Variants in PTPRZ1 observed in about 807,000 individuals in gnomAD.
The protein encoded by PTPRZ1 is receptor-type tyrosine-protein phosphatase zeta.
PTPRZ1 carries 82 observed loss-of-function variants against 214.1 expected under a neutral mutation model. The observed-to-expected ratio is 0.38, with a 90% CI of 0.32 to 0.46. PTPRZ1 has a LOEUF of 0.46. PTPRZ1 is among the 20% of genes least tolerant of loss of function. The pLI, the probability that PTPRZ1 is intolerant of heterozygous loss-of-function variation, is 1.00. For missense variants in PTPRZ1, 2,603 were observed against 2,748.7 expected (o/e 0.95, Z 1.19); for synonymous variants, 945 against 987.9 (o/e 0.96, Z 0.81).
intron 1 of PTPRZ1, among the ~76,000 whole-genome samples, chr7:121,900,274 T>G (rs1050241682): frequency 3.3e-5 from 5 of 152,156 alleles, no homozygotes; most frequent in Non-Finnish European, 7.4e-5. Context: ...TCAAGAAAAC[T>G]GCTCAACCCA....
intron 2 of PTPRZ1, among the ~76,000 whole-genome samples, chr7:121,952,201 G>GC (rs1433230799): frequency 6.6e-6 from 1 of 152,044 alleles, no homozygotes; most frequent in East Asian, 1.9e-4. Context: ...CTCGTGATTG[G>GC]CCGGCCTCGG....
At chr7:121,923,363 A>G (rs1314935554) in intron 1 of PTPRZ1, among the ~76,000 whole-genome samples, 1 of 152,222 alleles carries the variant, frequency 6.6e-6, no homozygotes, top group Non-Finnish European at 1.5e-5. Context: ...ATCTACCTTG[A>G]ACAAATTCAC....
At chr7:121,954,181 T>G (rs1484961155) in intron 2 of PTPRZ1, among the ~76,000 whole-genome samples, 6 of 152,198 alleles carry the variant, frequency 3.9e-5, no homozygotes, top group South Asian at 2.1e-4. Context: ...TCTCCTTCAG[T>G]TTTGTCTTCC....
At chr7:122,032,719 A>G (rs1799418871) in intron 15 of PTPRZ1, among the ~76,000 whole-genome samples, 1 of 152,206 alleles carries the variant, frequency 6.6e-6, no homozygotes, top group East Asian at 1.9e-4. Flanking sequence ...CAAAAGAAAG[A>G]GAGGTATGAT....
intron 11 of PTPRZ1, among the ~76,000 whole-genome samples, chr7:122,006,567 C>G (rs1461054224): frequency 6.6e-6 from 1 of 152,010 alleles, no homozygotes; most frequent in African/African-American, 2.4e-5. Context: ...ATACACTCTA[C>G]AATAGAGATA....
At chr7:121,891,612 AC>A (rs1164792935) in intron 1 of PTPRZ1, among the ~76,000 whole-genome samples, 1 of 151,460 alleles carries the variant, frequency 6.6e-6, no homozygotes, top group Non-Finnish European at 1.5e-5. Context: ...TGTTAAATGA[AC>A]CTTGCAAACA....
At chr7:121,907,107 CAAT>C (rs1476119036) in intron 1 of PTPRZ1, among the ~76,000 whole-genome samples, 2 of 150,014 alleles carry the variant, frequency 1.3e-5, no homozygotes, top group African/African-American at 5.0e-5. Flanking sequence ...TCAATTTCAT[CAAT>C]AATTAATAAT....
chr7:122,059,823 T>G lies in PTPRZ1; in HGVS notation c.6742T>G (p.Ser2248Ala). The part of the protein sequence containing the change: ...TLMHQLEKEN[S>A]VDVYQVAKMI... ...TATGCACCAACTAGAAAAAGAAAAT[T>G]CCGTGGATGTTTACCAGGTAGCCAA... Residue 2248 changes from serine to alanine, a missense_variant, in exon 29 of 30, where the codon TCC becomes GCC. Transcript: ENST00000393386. 6.2e-7 allele frequency: 1 copy of G among 1,613,716 alleles called. No homozygotes were observed. The highest frequency in any genetic ancestry group is 8.5e-7 in the Non-Finnish European group (1 of 1,179,794).
chr7:122,012,398 G>A lies in PTPRZ1; in HGVS notation c.3352G>A (p.Val1118Ile), dbSNP rs1478294168. The A allele has an allele frequency of 6.2e-7, 1 of 1,613,820 alleles. No homozygotes were observed. Among genetic ancestry groups the A allele is most frequent in the Non-Finnish European group, 8.5e-7 (1 of 1,179,900 alleles). Reference protein sequence around the residue: ...TKVFDHEISQVPENNFSVQPT... With the variant: ...TKVFDHEISQIPENNFSVQPT... ...GGTTTTTGATCATGAGATTAGTCAAGTTCCAGAAAATAACTTTTCAGTTCA... is the reference window on the plus strand; with the variant it reads ...GGTTTTTGATCATGAGATTAGTCAAATTCCAGAAAATAACTTTTCAGTTCA... Residue 1118 changes from valine to isoleucine, a missense_variant, in exon 12 of 30, where the codon GTT (valine) becomes ATT (isoleucine). This residue lies in a region of PTPRZ1 where 1,913 missense variants were observed against 1,914.3 expected (regional missense o/e 1.00). Transcript: ENST00000393386.
Position 122,013,642 on chromosome 7 carries a change from T to A in PTPRZ1, c.4596T>A (p.Pro1532=). 1 of 1,614,218 alleles carries A rather than the reference T, an allele frequency of 6.2e-7. No individual in the cohort carries two copies. ...TTCAGACTGGTAGTGCTCTGCTTCC[T>A]CTCAGCCCTGAATCTAAAGCATGGG... is the stretch of plus-strand genomic sequence containing the variant. ...NDIQTGSALL[P]LSPESKAWAV... is the part of the protein sequence containing the mutation. The change falls in exon 12 of 30, where the codon CCT becomes CCA. Residue 1532 remains proline, a synonymous_variant. Transcript: ENST00000393386.
intron 2 of PTPRZ1, among the ~76,000 whole-genome samples, chr7:121,929,677 G>A (rs976206141): frequency 6.6e-6 from 1 of 151,458 alleles, no homozygotes; most frequent in Non-Finnish European, 1.5e-5. Flanking sequence ...GCATGTTGGC[G>A]CATGCTTCTA....
chr7:122,003,736 A>G (rs1798393451), intron 10 of PTPRZ1, among the ~76,000 whole-genome samples: 1 of 152,170 alleles, frequency 6.6e-6, no homozygotes, highest in African/African-American at 2.4e-5. Flanking sequence ...CCATTTTCCT[A>G]ATGACCCAGG....
intron 14 of PTPRZ1, among the ~76,000 whole-genome samples, 176 bp from the exon 15 acceptor site, chr7:122,031,298 T>G (rs568245824): frequency 6.6e-6 from 1 of 152,152 alleles, no homozygotes; most frequent in African/African-American, 2.4e-5. Context: ...GAAATACAGG[T>G]TTTGATTGAT....
rs1311831128 is a variant in PTPRZ1 at position 121,970,800 on chromosome 7, A to C, written c.305-1741A>C. ...TTCTTTTGCTGTGCAGAAGCTCTTT[A>C]GTTTAATTAGATCCCATTTGTCAAT... On this transcript the variant is annotated intron_variant, in intron 3 of 29. Transcript: ENST00000393386. Among the ~76,000 whole-genome samples, 7 of 152,220 alleles carry C rather than the reference A, an allele frequency of 4.6e-5. No homozygotes were observed. The East Asian group carries it at 1.4e-3, about 29-fold the overall frequency.
intron 1 of PTPRZ1, among the ~76,000 whole-genome samples, chr7:121,889,808 C>G (rs1315920065): frequency 6.6e-6 from 1 of 152,092 alleles, no homozygotes; most frequent in Non-Finnish European, 1.5e-5. Flanking sequence ...GTTGGTACAT[C>G]CAATATTCAG....
chr7:121,960,486 G>A (rs879789873), intron 2 of PTPRZ1, among the ~76,000 whole-genome samples: 1 of 151,986 alleles, frequency 6.6e-6, no homozygotes, highest in Non-Finnish European at 1.5e-5. Flanking sequence ...TGATTAAATA[G>A]CAATTTATAG....
intron 2 of PTPRZ1, among the ~76,000 whole-genome samples, chr7:121,938,769 C>G (rs963644652): frequency 2.6e-5 from 4 of 152,148 alleles, no homozygotes; most frequent in African/African-American, 9.7e-5. Context: ...AGAAAAGTGT[C>G]TTCCTGGTTT....
At position 122,058,898 on chromosome 7, in the gene PTPRZ1, A is replaced by G. The variant is rs1792469029; in HGVS notation, c.6627A>G (p.Lys2209=). 23 of 1,594,692 alleles carry G rather than the reference A, an allele frequency of 1.4e-5. No individual in the cohort carries two copies. The highest frequency in any genetic ancestry group is 2.0e-5 in the Non-Finnish European group (23 of 1,162,638). ...CTTTTGAACTTATAAGTGTTATAAAAGAAGAAGCTGCCAATAGGGATGGGC... is the reference window on the plus strand; with the variant it reads ...CTTTTGAACTTATAAGTGTTATAAAGGAAGAAGCTGCCAATAGGGATGGGC... ...SKTFELISVI[K]EEAANRDGPM... Residue 2209 remains lysine, a synonymous_variant, in exon 28 of 30, where the codon AAA becomes AAG. Coordinates refer to ENST00000393386, the MANE Select transcript of PTPRZ1 (RefSeq NM_002851.3).
intron 8 of PTPRZ1, among the ~76,000 whole-genome samples, chr7:121,988,244 G>C (rs910997998): frequency 6.6e-6 from 1 of 152,114 alleles, no homozygotes; most frequent in Non-Finnish European, 1.5e-5. Context: ...CCCCTTCTAG[G>C]GGGGATCAGA....
Sources: allele counts gnomAD v4.1 joint callset (sites outside exome capture counted in the v4.1 genomes callset), GRCh38; gene constraint gnomAD v4.1.1; regional missense constraint gnomAD v4.1.1; transcripts MANE v1.5; gene names NCBI Gene and HGNC (gene_info 2026-07-23, HGNC 2026-07-21).